The following TENM1 variants were observed in gnomAD, a reference collection of about 807,000 sequenced individuals.
TENM1 encodes the protein teneurin-1.
Under a neutral mutation model 174.8 loss-of-function variants are expected in TENM1, and 35 were observed. The observed-to-expected ratio is 0.20, with a 90% CI of 0.15 to 0.27. The LOEUF is 0.27. Ranked by LOEUF, TENM1 falls within the 10% of genes least tolerant of loss-of-function variation. The probability of loss-of-function intolerance (pLI) is 1.00; values close to 1 mark genes in which losing one functional copy is unlikely to be tolerated. For missense variants in TENM1, 1,633 were observed against 2,130.1 expected (o/e 0.77, Z 4.59); for synonymous variants, 781 against 798.7 (o/e 0.98, Z 0.37).
chrX:124,474,442 G>A (rs6423133), intron 22 of TENM1, among the ~76,000 whole-genome samples: 48,805 of 110,337 alleles, frequency 0.44, 8,689 homozygotes, highest in Non-Finnish European at 0.57. Context: ...CATGTTATCT[G>A]GCCTCTAAAA....
intron 23 of TENM1, among the ~76,000 whole-genome samples, chrX:124,432,871 A>G (rs1010086219): frequency 3.5e-5 from 4 of 112,708 alleles, no homozygotes; most frequent in Non-Finnish European, 5.6e-5. Context: ...ATAGATACTT[A>G]AAAAGGCTGC....
At chrX:125,038,335 G>A in the TENM1 span, among the ~76,000 whole-genome samples, 1 of 109,701 alleles carries the variant, frequency 9.1e-6, no homozygotes, top group Non-Finnish European at 1.9e-5. Context: ...CTGTGACGTC[G>A]GTCAGGTTAC....
chrX:125,028,950 C>A, the TENM1 span, among the ~76,000 whole-genome samples: 2 of 111,188 alleles, frequency 1.8e-5, no homozygotes, highest in Admixed American at 9.5e-5. Flanking sequence ...GATAGGTATG[C>A]GAGAATTTGC....
chrX:124,411,005 G>T (rs1392848657), intron 25 of TENM1, among the ~76,000 whole-genome samples: 1 of 111,907 alleles, frequency 8.9e-6, no homozygotes, highest in African/African-American at 3.2e-5. Flanking sequence ...GACAAGATCA[G>T]ATACCAACTG....
chrX:124,462,155 G>C (rs886506336), intron 22 of TENM1, among the ~76,000 whole-genome samples: 7 of 110,331 alleles, frequency 6.3e-5, no homozygotes, highest in African/African-American at 2.3e-4. Flanking sequence ...CAGAAGTAAT[G>C]GATGCGACTT....
At chrX:124,913,648 A>G (rs2057873683) in intron 1 of TENM1, among the ~76,000 whole-genome samples, 1 of 111,950 alleles carries the variant, frequency 8.9e-6, no homozygotes, top group East Asian at 2.8e-4. Context: ...ATTCTATAAA[A>G]CCAGAGGCCA....
At chrX:124,470,266 T>C (rs887577459) in intron 22 of TENM1, among the ~76,000 whole-genome samples, 1 of 112,096 alleles carries the variant, frequency 8.9e-6, no homozygotes, top group African/African-American at 3.2e-5. Context: ...TGTTATAATA[T>C]CGTGCAGCTC....
At chrX:125,181,266 C>T in the TENM1 span, among the ~76,000 whole-genome samples, 674 of 111,643 alleles carry the variant, frequency 6.0e-3, 5 homozygotes, top group African/African-American at 0.021. Flanking sequence ...CCAAGCTGTA[C>T]AGTCAATATG....
At chrX:124,819,884 C>G (rs1202761940) in intron 3 of TENM1, among the ~76,000 whole-genome samples, 1 of 109,099 alleles carries the variant, frequency 9.2e-6, no homozygotes, top group Non-Finnish European at 1.9e-5. Context: ...CAACCTCTGC[C>G]TCCTGGGTTC....
chrX:124,802,209 C>CT (rs951608554), intron 3 of TENM1, among the ~76,000 whole-genome samples: 8 of 111,467 alleles, frequency 7.2e-5, no homozygotes, highest in African/African-American at 2.6e-4. Context: ...GGGTTTTCAA[C>CT]TTTTTTTTGT....
chrX:124,809,843 G>GGAGAGAGAGAGAGAGAGA (rs4027522), intron 3 of TENM1, among the ~76,000 whole-genome samples: 6 of 78,674 alleles, frequency 7.6e-5, no homozygotes, highest in Admixed American at 4.5e-4. Context: ...CATGACAGCA[G>GGAGAGAGAGAGAGAGAGA]GAGAGAGAGA....
intron 1 of TENM1, among the ~76,000 whole-genome samples, chrX:124,916,732 T>C (rs1348622457): frequency 1.8e-5 from 2 of 110,852 alleles, no homozygotes; most frequent in African/African-American, 6.6e-5. Context: ...GTTAATTTGT[T>C]ACCACAGGAA....
At chrX:124,766,661 G>A (rs773282874) in intron 3 of TENM1, among the ~76,000 whole-genome samples, 24 of 110,884 alleles carry the variant, frequency 2.2e-4, no homozygotes, top group Non-Finnish European at 4.4e-4. Flanking sequence ...TTTATGTGCC[G>A]GTAATTTCAT....
chrX:125,001,951 AC>A, the TENM1 span, among the ~76,000 whole-genome samples: 6 of 105,925 alleles, frequency 5.7e-5, no homozygotes, highest in Admixed American at 2.0e-4. Context: ...ACACACACAC[AC>A]ACACACACAC....
chrX:124,661,706 G>A (rs754523372), intron 6 of TENM1, among the ~76,000 whole-genome samples: 9 of 111,368 alleles, frequency 8.1e-5, no homozygotes, highest in African/African-American at 2.6e-4. Context: ...CTAAATTTTC[G>A]ACAGCTACTC....
chrX:125,072,319 T>C, the TENM1 span, among the ~76,000 whole-genome samples: 1 of 111,455 alleles, frequency 9.0e-6, no homozygotes, highest in Non-Finnish European at 1.9e-5. Flanking sequence ...CTAAAATCAA[T>C]CTGATGCTGT....
chrX:124,755,296 G>C (rs984467148), intron 3 of TENM1, among the ~76,000 whole-genome samples: 1 of 110,468 alleles, frequency 9.1e-6, no homozygotes, highest in Non-Finnish European at 1.9e-5. Flanking sequence ...TTTTATCAGA[G>C]ACTAGGATGG....
chrX:124,761,135 C>T (rs1248289677), intron 3 of TENM1, among the ~76,000 whole-genome samples: 5 of 111,072 alleles, frequency 4.5e-5, no homozygotes, highest in African/African-American at 1.6e-4. Flanking sequence ...AAAACTGTGG[C>T]GATTCCTCAA....
At chrX:124,541,316 T>G (rs1354811450) in intron 15 of TENM1, among the ~76,000 whole-genome samples, 3 of 112,414 alleles carry the variant, frequency 2.7e-5, no homozygotes. Flanking sequence ...TAGAGGTGAC[T>G]GGATCATGGG....
Sources: gnomAD v4.1 joint callset for allele counts (sites outside exome capture counted in the v4.1 genomes callset) on GRCh38, gnomAD v4.1.1 for gene constraint, MANE v1.5 for transcripts, NCBI Gene and HGNC (gene_info 2026-07-23, HGNC 2026-07-21) for gene names.